Variants in CERS6 observed in about 807,000 individuals in gnomAD.
CERS6 encodes ceramide synthase 6, also known as LAG1 homolog, ceramide synthase 6.
CERS6 carries 26 observed loss-of-function variants against 56.8 expected under a neutral mutation model. The observed-to-expected ratio is 0.46, with a 90% CI of 0.34 to 0.63. CERS6 has a LOEUF of 0.63. Among genes scored for constraint, CERS6 ranks in the 30% least tolerant of loss-of-function variants. The probability of loss-of-function intolerance (pLI) is 0.01; values close to 1 mark genes in which losing one functional copy is unlikely to be tolerated. For missense variants in CERS6, 415 were observed against 467.5 expected, an observed-to-expected ratio of 0.89 and a Z score of 1.04; for synonymous variants, 164 against 173.3, an observed-to-expected ratio of 0.95 and a Z score of 0.42.
intron 8 of CERS6, among the ~76,000 whole-genome samples, chr2:168,764,285 G>T (rs1027986494): frequency 4.6e-5 from 7 of 152,076 alleles, no homozygotes; most frequent in Non-Finnish European, 1.0e-4. Flanking sequence ...TGGGACTACA[G>T]GTGCCCGCCA....
intron 3 of CERS6, among the ~76,000 whole-genome samples, chr2:168,596,715 G>A (rs1056097137): frequency 3.9e-5 from 6 of 151,924 alleles, no homozygotes; most frequent in East Asian, 3.9e-4. Flanking sequence ...CACCATACCC[G>A]GCAAATTTGT....
chr2:168,697,553 C>CTTTTTTTTTTT (rs113250500), intron 6 of CERS6, among the ~76,000 whole-genome samples: 1 of 141,238 alleles, frequency 7.1e-6, no homozygotes, highest in Non-Finnish European at 1.5e-5. Context: ...AACATTCTTC[C>CTTTTTTTTTTT]TTTTTTTTTT....
intron 1 of CERS6, among the ~76,000 whole-genome samples, chr2:168,537,668 G>A (rs1044048678): frequency 1.3e-5 from 2 of 152,094 alleles, no homozygotes; most frequent in Admixed American, 1.3e-4. Flanking sequence ...TCACCTTAGG[G>A]TTTATTTCTT....
chr2:168,589,931 T>C lies in CERS6; in HGVS notation c.407+28609T>C, dbSNP rs375186092. 2.7e-4 allele frequency among the ~76,000 whole-genome samples: 41 copies of C among 152,360 alleles called. No homozygotes were observed. The South Asian group carries it at 8.1e-3, about 30-fold the overall frequency. On this transcript the variant is annotated intron_variant, in intron 3 of 9. Transcript: ENST00000305747. ...GTAAAAAGGCAATGAACTTTTTTTA[T>C]GTTTGAGCCTCGACTGAAAAGCTGA...
intron 3 of CERS6, among the ~76,000 whole-genome samples, chr2:168,620,810 T>G (rs1684455236): frequency 6.7e-6 from 1 of 149,990 alleles, no homozygotes; most frequent in Non-Finnish European, 1.5e-5. Context: ...TTGCCCAGGC[T>G]GGATTGCAGT....
intron 1 of CERS6, among the ~76,000 whole-genome samples, chr2:168,483,795 G>A (rs1694219633): frequency 6.6e-6 from 1 of 152,166 alleles, no homozygotes; most frequent in Admixed American, 6.5e-5. Flanking sequence ...AACTTAATGA[G>A]AAAATATTTA....
intron 8 of CERS6, among the ~76,000 whole-genome samples, chr2:168,725,223 G>C (rs1025119376): frequency 6.6e-6 from 1 of 152,264 alleles, no homozygotes; most frequent in Admixed American, 6.5e-5. Flanking sequence ...CGCCCACCCG[G>C]AACTCCAGCT....
intron 1 of CERS6, among the ~76,000 whole-genome samples, chr2:168,499,261 A>C (rs2105343922): frequency 6.6e-6 from 1 of 152,312 alleles, no homozygotes; most frequent in Non-Finnish European, 1.5e-5. Context: ...TTTTTGAGCA[A>C]TATAAGAGCC....
chr2:168,533,320 ATTGGAATAGT>A lies in CERS6; in HGVS notation c.171-14266_171-14257del, dbSNP rs1285345864. Among the ~76,000 whole-genome samples the A allele has an allele frequency of 9.8e-5, 14 of 143,218 alleles. 1 individual carries two copies. 94.0% of individuals were successfully genotyped at this position (143,218 alleles called of 152,430 possible). ...CCTCTTTTTCTATTGTTTGGAACAG[ATTGGAATAGT>A]TTGGAATAGATTGGAATAGTTTGGA... On this transcript the variant is annotated intron_variant, in intron 1 of 9. Transcript: ENST00000305747.
intron 4 of CERS6, among the ~76,000 whole-genome samples, chr2:168,687,285 A>G (rs977558130): frequency 3.9e-5 from 6 of 152,350 alleles, no homozygotes; most frequent in East Asian, 3.9e-4. Flanking sequence ...TCATTTATCT[A>G]TATTGAATTG....
At chr2:168,570,121 A>G (rs564023705) in intron 3 of CERS6, among the ~76,000 whole-genome samples, 8 of 152,268 alleles carry the variant, frequency 5.3e-5, no homozygotes, top group African/African-American at 1.9e-4. Flanking sequence ...GGAGAGATCC[A>G]AGAAGATGCA....
chr2:168,499,100 T>C (rs1167501417), intron 1 of CERS6, among the ~76,000 whole-genome samples: 1 of 152,166 alleles, frequency 6.6e-6, no homozygotes, highest in Non-Finnish European at 1.5e-5. Context: ...TCCTGTAACA[T>C]TGCCAGAGTG....
At chr2:168,513,539 C>A (rs115113201) in intron 1 of CERS6, among the ~76,000 whole-genome samples, 29 of 152,226 alleles carry the variant, frequency 1.9e-4, no homozygotes, top group African/African-American at 7.0e-4. Flanking sequence ...GTTTTCGAAC[C>A]ATGACTGGAC....
At chr2:168,739,052 A>ATTTTTTTTTTTTTTTTTTT (rs59967315) in intron 8 of CERS6, among the ~76,000 whole-genome samples, 2 of 87,624 alleles carry the variant, frequency 2.3e-5, no homozygotes, top group African/African-American at 4.9e-5. Flanking sequence ...CACCCGGCTA[A>ATTTTTTTTTTTTTTTTTTT]TTTTTTTTTT....
chr2:168,498,711 C>T (rs983215994), intron 1 of CERS6, among the ~76,000 whole-genome samples: 1 of 152,206 alleles, frequency 6.6e-6, no homozygotes, highest in Admixed American at 6.5e-5. Context: ...GCCAGAACCA[C>T]GCCGTGGCTG....
At chr2:168,646,064 G>C (rs954029998) in intron 4 of CERS6, among the ~76,000 whole-genome samples, 7 of 152,154 alleles carry the variant, frequency 4.6e-5, no homozygotes, top group Admixed American at 3.9e-4. Flanking sequence ...CCAGTAATGG[G>C]ATTGCTGGGT....
chr2:168,737,295 A>C (rs992207891), intron 8 of CERS6, among the ~76,000 whole-genome samples: 4 of 152,252 alleles, frequency 2.6e-5, no homozygotes, highest in African/African-American at 9.6e-5. Flanking sequence ...GGAGAGACTG[A>C]GCCACCAACA....
intron 1 of CERS6, among the ~76,000 whole-genome samples, chr2:168,518,648 T>C (rs971936636): frequency 1.3e-5 from 2 of 152,164 alleles, no homozygotes; most frequent in African/African-American, 4.8e-5. Context: ...ACGTGATCCC[T>C]TGGTTTCAAC....
At chr2:168,645,116 A>ATATATATATATATATAT (rs1193983720) in intron 4 of CERS6, among the ~76,000 whole-genome samples, 1 of 19,018 alleles carries the variant, frequency 5.3e-5, no homozygotes, top group Non-Finnish European at 1.0e-4. Context: ...AAAAAAAAAA[A>ATATATATATATATATAT]ATATATATAT....
Sources: gnomAD v4.1 joint callset for allele counts (sites outside exome capture counted in the v4.1 genomes callset) on GRCh38, gnomAD v4.1.1 for gene constraint, MANE v1.5 for transcripts, NCBI Gene and HGNC (gene_info 2026-07-23, HGNC 2026-07-21) for gene names.